The following TAX1BP1 variants were observed in gnomAD, a reference collection of about 807,000 sequenced individuals.
TAX1BP1 encodes tax1-binding protein 1.
In TAX1BP1, 62 loss-of-function variants were observed where a neutral mutation model predicts 97.7. The observed-to-expected ratio is 0.63, with a 90% CI of 0.52 to 0.78. The LOEUF (loss-of-function observed/expected upper bound fraction) is 0.78. Ranked by LOEUF, TAX1BP1 falls within the 30% of genes least tolerant of loss-of-function variation. TAX1BP1 has a pLI of 0.00. For synonymous variants in TAX1BP1, 340 were observed against 304.2 expected, an observed-to-expected ratio of 1.12 and a Z score of -1.23; for missense variants, 867 against 916.1, an observed-to-expected ratio of 0.95 and a Z score of 0.69.
At chr7:27,818,184 T>A (rs951441081) in intron 15 of TAX1BP1, among the ~76,000 whole-genome samples, 9 of 152,330 alleles carry the variant, frequency 5.9e-5, no homozygotes, top group Middle Eastern at 3.4e-3. Flanking sequence ...ATTAGCAGAA[T>A]GTTCTTTCTG....
At chr7:27,762,035 CT>C (rs1195846843) in intron 3 of TAX1BP1, among the ~76,000 whole-genome samples, 1 of 152,136 alleles carries the variant, frequency 6.6e-6, no homozygotes, top group African/African-American at 2.4e-5. Context: ...TGTTTAAAAA[CT>C]TTTTTTCACT....
At chr7:27,770,367 G>A (rs1463769515) in intron 5 of TAX1BP1, among the ~76,000 whole-genome samples, 1 of 152,004 alleles carries the variant, frequency 6.6e-6, no homozygotes, top group Admixed American at 6.6e-5. Flanking sequence ...AAACATTGTG[G>A]CTTCATTAGT....
intron 12 of TAX1BP1, among the ~76,000 whole-genome samples, chr7:27,798,929 A>T (rs1271682032): frequency 1.3e-5 from 2 of 150,048 alleles, no homozygotes; most frequent in African/African-American, 4.9e-5. Flanking sequence ...TTTGTCTGAT[A>T]TATGTAAGGT....
chr7:27,828,886 ACCT>A lies in TAX1BP1; in HGVS notation c.*58_*60del. 67 of 1,301,802 alleles carry A rather than the reference ACCT, an allele frequency of 5.1e-5. No individual in the cohort carries two copies. Among genetic ancestry groups the A allele is most frequent in the Non-Finnish European group, 6.5e-5 (61 of 937,380 alleles). The allele number at this position is 1,301,802 out of a possible 1,614,324, so 80.6% of individuals were successfully genotyped here. A position where few individuals can be genotyped will look rare whatever the true frequency, so the allele number is the denominator to read the frequency against. ...CAGTAAAAAAAAAAAAAAAAACCAC[ACCT>A]AAAATAGACCACTGAGGAGACCATA... On this transcript the variant is annotated 3_prime_UTR_variant, in exon 17 of 17. Transcript: ENST00000396319.
At chr7:27,781,842 C>T (rs192600726) in intron 5 of TAX1BP1, among the ~76,000 whole-genome samples, 2 of 151,846 alleles carry the variant, frequency 1.3e-5, no homozygotes, top group Non-Finnish European at 2.9e-5. Context: ...CCTCAGCCTC[C>T]GGAGTAACTG....
intron 3 of TAX1BP1, among the ~76,000 whole-genome samples, chr7:27,762,038 T>C (rs1051560738): frequency 2.6e-5 from 4 of 152,328 alleles, no homozygotes; most frequent in African/African-American, 9.6e-5. Context: ...TTAAAAACTT[T>C]TTTTCACTTT....
intron 13 of TAX1BP1, among the ~76,000 whole-genome samples, chr7:27,808,694 GA>G (rs940711406): frequency 1.3e-5 from 2 of 152,012 alleles, no homozygotes; most frequent in East Asian, 1.9e-4. Flanking sequence ...GGGTACCGAA[GA>G]AAAAAAGTAT....
chr7:27,806,187 G>A (rs1790331201), intron 13 of TAX1BP1, among the ~76,000 whole-genome samples: 1 of 151,140 alleles, frequency 6.6e-6, no homozygotes, highest in South Asian at 2.1e-4. Flanking sequence ...TCAGGTTCAA[G>A]CAATTCTCCT....
At chr7:27,741,132 T>A (rs1787580440) in intron 1 of TAX1BP1, among the ~76,000 whole-genome samples, 1 of 152,242 alleles carries the variant, frequency 6.6e-6, no homozygotes, top group Non-Finnish European at 1.5e-5. Flanking sequence ...TGGTTATGAA[T>A]TGCTATTATG....
chr7:27,757,155 A>C (rs1788252172), intron 2 of TAX1BP1, among the ~76,000 whole-genome samples: 1 of 152,134 alleles, frequency 6.6e-6, no homozygotes, highest in Admixed American at 6.6e-5. Flanking sequence ...TGGATAATCT[A>C]ACCTTGTGGC....
chr7:27,770,518 T>G (rs955813878), intron 5 of TAX1BP1, among the ~76,000 whole-genome samples: 2 of 152,120 alleles, frequency 1.3e-5, no homozygotes, highest in Admixed American at 6.5e-5. Flanking sequence ...TACAGTCTCA[T>G]GTACAGTAGA....
At chr7:27,785,886 CTGTTT>C (rs1222728758) in intron 7 of TAX1BP1, among the ~76,000 whole-genome samples, 1 of 152,052 alleles carries the variant, frequency 6.6e-6, no homozygotes, top group African/African-American at 2.4e-5. Flanking sequence ...TAATTTGCTG[CTGTTT>C]TAGATACTTA....
chr7:27,818,474 T>A (rs374860070), intron 15 of TAX1BP1, among the ~76,000 whole-genome samples: 27 of 152,298 alleles, frequency 1.8e-4, no homozygotes, highest in African/African-American at 6.3e-4. Context: ...AAATTTGAGT[T>A]GACCTGTTCT....
chr7:27,786,902 G>A (rs1441517009), intron 7 of TAX1BP1, among the ~76,000 whole-genome samples: 1 of 152,160 alleles, frequency 6.6e-6, no homozygotes, highest in African/African-American at 2.4e-5. Flanking sequence ...CAGCAATAGC[G>A]AGAGTCATGG....
chr7:27,813,847 G>A (rs1264827899), intron 13 of TAX1BP1, among the ~76,000 whole-genome samples: 1 of 151,996 alleles, frequency 6.6e-6, no homozygotes, highest in Non-Finnish European at 1.5e-5. Flanking sequence ...TACTTATTTA[G>A]GAATGAAATA....
chr7:27,799,872 A>G, intron 12 of TAX1BP1, 93 bp from the exon 13 acceptor site: 1 of 957,658 alleles, frequency 1.0e-6, no homozygotes, highest in South Asian at 2.5e-5. Flanking sequence ...ACAGTGTTAT[A>G]ATAAATGTTC....
At chr7:27,809,898 C>G (rs1156618952) in intron 13 of TAX1BP1, among the ~76,000 whole-genome samples, 1 of 150,512 alleles carries the variant, frequency 6.6e-6, no homozygotes, top group African/African-American at 2.5e-5. Context: ...TTATCTCTAA[C>G]TTCTTTTGTG....
At chr7:27,742,458 A>G (rs1356379064) in intron 1 of TAX1BP1, among the ~76,000 whole-genome samples, 2 of 152,358 alleles carry the variant, frequency 1.3e-5, no homozygotes, top group East Asian at 3.9e-4. Flanking sequence ...TGAGTTTGAC[A>G]CAGCACATGT....
At chr7:27,774,299 A>G (rs1289706242) in intron 5 of TAX1BP1, among the ~76,000 whole-genome samples, 2 of 151,808 alleles carry the variant, frequency 1.3e-5, no homozygotes, top group Non-Finnish European at 2.9e-5. Context: ...GTCATCAGAT[A>G]GAGTTTTCCT....
Sources: gnomAD v4.1 joint callset for allele counts (sites outside exome capture counted in the v4.1 genomes callset) on GRCh38, gnomAD v4.1.1 for gene constraint, MANE v1.5 for transcripts, NCBI Gene and HGNC (gene_info 2026-07-23, HGNC 2026-07-21) for gene names.